The following KCNH7 variants were observed in gnomAD, a reference collection of about 807,000 sequenced individuals.
The protein encoded by KCNH7 is potassium voltage-gated channel subfamily H member 7, also known as voltage-gated inwardly rectifying potassium channel KCNH7.
KCNH7 carries 49 observed loss-of-function variants against 120.8 expected under a neutral mutation model. The observed-to-expected ratio is 0.41, with a 90% CI of 0.32 to 0.51. KCNH7 has a LOEUF of 0.51. Among genes scored for constraint, KCNH7 ranks in the 20% least tolerant of loss-of-function variants. The probability of loss-of-function intolerance (pLI) is 0.38; values close to 1 mark genes in which losing one functional copy is unlikely to be tolerated. For synonymous variants in KCNH7, 547 were observed against 516.1 expected, an observed-to-expected ratio of 1.06 and a Z score of -0.81; for missense variants, 1,097 against 1,446.6, an observed-to-expected ratio of 0.76 and a Z score of 3.92.
At chr2:162,647,230 G>T (rs985513157) in intron 2 of KCNH7, among the ~76,000 whole-genome samples, 2 of 152,092 alleles carry the variant, frequency 1.3e-5, no homozygotes, top group African/African-American at 4.8e-5. Flanking sequence ...CAGGGTTGCC[G>T]CAGTCTCCTA....
intron 6 of KCNH7, among the ~76,000 whole-genome samples, chr2:162,457,603 A>T (rs1689011900): frequency 6.6e-6 from 1 of 152,190 alleles, no homozygotes; most frequent in Non-Finnish European, 1.5e-5. Flanking sequence ...CACCAGGATT[A>T]GTAACTACTC....
chr2:162,581,524 A>C (rs1237580137), intron 2 of KCNH7, among the ~76,000 whole-genome samples: 7 of 152,048 alleles, frequency 4.6e-5, no homozygotes, highest in Admixed American at 3.3e-4. Flanking sequence ...TTATAAAAAG[A>C]GGCATTGGAG....
intron 2 of KCNH7, among the ~76,000 whole-genome samples, chr2:162,790,054 GT>G (rs1367297003): frequency 6.6e-6 from 1 of 151,350 alleles, no homozygotes; most frequent in African/African-American, 2.4e-5. Flanking sequence ...AATAGGAGTT[GT>G]TTTTTTAAGA....
At chr2:162,430,912 T>A (rs1573949062) in intron 8 of KCNH7, among the ~76,000 whole-genome samples, 1 of 152,014 alleles carries the variant, frequency 6.6e-6, no homozygotes, top group East Asian at 1.9e-4. Flanking sequence ...TTATGCTATA[T>A]GTTAGAAAAC....
chr2:162,571,985 G>A (rs1448186313), intron 2 of KCNH7, among the ~76,000 whole-genome samples: 4 of 151,068 alleles, frequency 2.6e-5, no homozygotes, highest in Non-Finnish European at 3.0e-5. Flanking sequence ...CATACGCATG[G>A]GCAAGGACTT....
chr2:162,440,252 A>G (rs1172022422), intron 7 of KCNH7, among the ~76,000 whole-genome samples: 1 of 152,032 alleles, frequency 6.6e-6, no homozygotes, highest in African/African-American at 2.4e-5. Context: ...AAATAAAAAT[A>G]TGTAAGTATG....
chr2:162,396,962 A>G lies in KCNH7; in HGVS notation c.2408-17T>C. On this transcript the variant is annotated splice_polypyrimidine_tract_variant and intron_variant, in intron 10 of 15. Coordinates refer to ENST00000332142, the MANE Select transcript of KCNH7 (RefSeq NM_033272.4). ...CATTTTTTCCTAAGAAAATATAAAG[A>G]AAAAGAGGCGGGGAAAGGGAATCCA... The G allele has an allele frequency of 6.4e-7, 1 of 1,551,256 alleles. No homozygotes were observed.
chr2:162,786,573 T>C (rs1033264500), intron 2 of KCNH7, among the ~76,000 whole-genome samples: 2 of 152,198 alleles, frequency 1.3e-5, no homozygotes, highest in African/African-American at 2.4e-5. Context: ...TGGTGTAATA[T>C]CTTTGAAAAT....
intron 2 of KCNH7, chr2:162,768,917 C>T (rs1330497761): frequency 6.6e-6 from 1 of 152,172 alleles, no homozygotes; most frequent in African/African-American, 2.4e-5. Flanking sequence ...GCTATAGTAA[C>T]AGCTTCTTTT....
At chr2:162,709,206 A>C (rs1240533869) in intron 2 of KCNH7, among the ~76,000 whole-genome samples, 1 of 152,108 alleles carries the variant, frequency 6.6e-6, no homozygotes, top group African/African-American at 2.4e-5. Context: ...CTGGAGAAAA[A>C]AGATATTTCA....
chr2:162,372,390 C>T (rs187800066), intron 15 of KCNH7, among the ~76,000 whole-genome samples: 6 of 151,784 alleles, frequency 4.0e-5, no homozygotes, highest in Admixed American at 2.6e-4. Context: ...GAATTAAATT[C>T]GAAATTTAAG....
chr2:162,651,166 G>T (rs1246186746), intron 2 of KCNH7, among the ~76,000 whole-genome samples: 1 of 152,152 alleles, frequency 6.6e-6, no homozygotes, highest in African/African-American at 2.4e-5. Context: ...ACTATAAAAT[G>T]TAAGAGAGAA....
At chr2:162,718,522 C>A (rs1445585939) in intron 2 of KCNH7, among the ~76,000 whole-genome samples, 10 of 151,842 alleles carry the variant, frequency 6.6e-5, no homozygotes, top group Non-Finnish European at 1.3e-4. Flanking sequence ...CAAAGCAGAG[C>A]TTATACATTC....
chr2:162,777,270 A>G (rs1052497166), intron 2 of KCNH7, among the ~76,000 whole-genome samples: 3 of 152,148 alleles, frequency 2.0e-5, no homozygotes, highest in African/African-American at 4.8e-5. Flanking sequence ...CACATGACCT[A>G]GGCATATCCT....
At chr2:162,441,999 CTTTTTTTTTT>C (rs779418084) in intron 7 of KCNH7, among the ~76,000 whole-genome samples, 51 of 41,568 alleles carry the variant, frequency 1.2e-3, no homozygotes, top group Non-Finnish European at 2.0e-3. Context: ...GTTAGGTCTT[CTTTTTTTTTT>C]TTTTTTTTTT....
At chr2:162,794,058 AT>A (rs1384686482) in intron 2 of KCNH7, among the ~76,000 whole-genome samples, 2 of 152,016 alleles carry the variant, frequency 1.3e-5, no homozygotes, top group Non-Finnish European at 2.9e-5. Flanking sequence ...TATATACAAT[AT>A]TTACTTGTCA....
intron 6 of KCNH7, among the ~76,000 whole-genome samples, chr2:162,471,007 C>T (rs1353830437): frequency 6.6e-6 from 1 of 152,078 alleles, no homozygotes; most frequent in Non-Finnish European, 1.5e-5. Context: ...GGATTAAGGG[C>T]GGTGCAAGAT....
chr2:162,526,559 G>GA (rs1049044971), intron 3 of KCNH7, among the ~76,000 whole-genome samples: 2 of 151,950 alleles, frequency 1.3e-5, no homozygotes, highest in Non-Finnish European at 2.9e-5. Context: ...TCCTTGCTGA[G>GA]AAAAAGAATT....
At chr2:162,496,461 C>T (rs1264073751) in intron 6 of KCNH7, among the ~76,000 whole-genome samples, 2 of 152,052 alleles carry the variant, frequency 1.3e-5, no homozygotes, top group African/African-American at 4.8e-5. Flanking sequence ...GGAACCCAGC[C>T]CCATCAGCTT....
Sources: gnomAD v4.1 joint callset for allele counts (sites outside exome capture counted in the v4.1 genomes callset) on GRCh38, gnomAD v4.1.1 for gene constraint, MANE v1.5 for transcripts, NCBI Gene and HGNC (gene_info 2026-07-23, HGNC 2026-07-21) for gene names.